Variants in GNA14 observed in about 807,000 individuals in gnomAD.
GNA14 encodes the protein G protein subunit alpha 14.
GNA14 carries 50 observed loss-of-function variants against 42.0 expected under a neutral mutation model. That is an observed-to-expected ratio of 1.19 (90% CI 0.95 to 1.51). The LOEUF is 1.51. Ranked by LOEUF, GNA14 falls within the 40% of genes most tolerant of loss-of-function variation. The pLI is 0.00. For missense variants in GNA14, 473 were observed against 446.2 expected, an observed-to-expected ratio of 1.06 and a Z score of -0.54; for synonymous variants, 173 against 163.1, an observed-to-expected ratio of 1.06 and a Z score of -0.46.
At chr9:77,452,610 T>A (rs1835927568) in intron 2 of GNA14, among the ~76,000 whole-genome samples, 1 of 59,272 alleles carries the variant, frequency 1.7e-5, no homozygotes, top group Non-Finnish European at 2.7e-5. Flanking sequence ...TGTATGTGTA[T>A]GTGTGTGTAT....
At chr9:77,539,167 A>G (rs1271022179) in intron 1 of GNA14, among the ~76,000 whole-genome samples, 1 of 152,176 alleles carries the variant, frequency 6.6e-6, no homozygotes, top group Non-Finnish European at 1.5e-5. Context: ...TATTATTTCA[A>G]GGTATGTATG....
Position 77,647,653 on chromosome 9 carries a change from G to A in GNA14, c.124+17C>T. ...AAAAACGCCCGGCTCACTGGAGTCG[G>A]AGACGCAGCCACTCACCCAGCAGCA... On this transcript the variant is annotated intron_variant, in intron 1 of 6. Coordinates refer to ENST00000341700, the MANE Select transcript of GNA14 (RefSeq NM_004297.4). 6.2e-7 allele frequency: 1 copy of A among 1,603,594 alleles called. No homozygotes were observed. Among genetic ancestry groups the A allele is most frequent in the Non-Finnish European group, 8.5e-7 (1 of 1,175,726 alleles).
intron 2 of GNA14, among the ~76,000 whole-genome samples, chr9:77,483,844 G>C (rs897925269): frequency 4.1e-4 from 63 of 152,056 alleles, no homozygotes; most frequent in African/African-American, 1.3e-3. Context: ...CATTCTTTGA[G>C]AAAAAGAGAA....
rs1554691641 is a variant in GNA14 at position 77,493,026 on chromosome 9, A to AAATATATATATATAT, written c.309+36042_309+36043insATATATATATATATT. ...AGGAAAAAAAAAAAAAAAAAAAAAA[A>AAATATATATATATAT]ATATATATATATATATATATTTGGG... On this transcript the variant is annotated intron_variant, in intron 2 of 6. Transcript: ENST00000341700. Among the ~76,000 whole-genome samples, 9 of 51,708 alleles carry AAATATATATATATAT rather than the reference A, an allele frequency of 1.7e-4. No individual in the cohort carries two copies. In the East Asian group the frequency reaches 3.4e-3, roughly 19 times the overall value. The allele number at this position is 51,708 out of a possible 152,430, so 33.9% of individuals were successfully genotyped here. A position where few individuals can be genotyped will look rare whatever the true frequency, so the allele number is the denominator to read the frequency against.
intron 2 of GNA14, among the ~76,000 whole-genome samples, chr9:77,478,679 TC>T (rs1836482556): frequency 6.6e-6 from 1 of 152,180 alleles, no homozygotes; most frequent in Non-Finnish European, 1.5e-5. Flanking sequence ...CCACATCCTC[TC>T]CAGCACCTGT....
chr9:77,542,883 C>A (rs573598439), intron 1 of GNA14, among the ~76,000 whole-genome samples: 6 of 152,288 alleles, frequency 3.9e-5, no homozygotes, highest in Middle Eastern at 3.4e-3. Context: ...TGGACGTGTC[C>A]TCAGGGCCTC....
intron 2 of GNA14, among the ~76,000 whole-genome samples, chr9:77,527,495 A>T (rs994798406): frequency 6.6e-6 from 1 of 152,008 alleles, no homozygotes; most frequent in Non-Finnish European, 1.5e-5. Flanking sequence ...ATTTTTTGCA[A>T]TTTTTTTTAA....
chr9:77,547,839 A>G (rs1161531119), intron 1 of GNA14, among the ~76,000 whole-genome samples: 1 of 152,230 alleles, frequency 6.6e-6, no homozygotes, highest in African/African-American at 2.4e-5. Context: ...ATAACACATC[A>G]TCATTTGTTG....
intron 2 of GNA14, among the ~76,000 whole-genome samples, chr9:77,455,195 G>A (rs1200401934): frequency 6.6e-6 from 1 of 152,188 alleles, no homozygotes; most frequent in Non-Finnish European, 1.5e-5. Context: ...TGTCTCATCA[G>A]CTGTCACCTG....
intron 1 of GNA14, among the ~76,000 whole-genome samples, chr9:77,546,794 GTCTC>G (rs553241930): frequency 1.6e-3 from 238 of 152,310 alleles, no homozygotes; most frequent in African/African-American, 5.6e-3. Flanking sequence ...TCATCAAGAT[GTCTC>G]TCTATTTGTG....
At chr9:77,501,510 A>T (rs1243462464) in intron 2 of GNA14, among the ~76,000 whole-genome samples, 2 of 152,112 alleles carry the variant, frequency 1.3e-5, no homozygotes, top group Non-Finnish European at 2.9e-5. Context: ...TCTTCACCGA[A>T]ATGCCTCTTC....
chr9:77,534,411 T>C (rs1260615701), intron 1 of GNA14, among the ~76,000 whole-genome samples: 1 of 152,196 alleles, frequency 6.6e-6, no homozygotes, highest in African/African-American at 2.4e-5. Context: ...ACATAAATCT[T>C]TCCCAAGTGA....
At chr9:77,622,804 G>C (rs1823949641) in intron 1 of GNA14, among the ~76,000 whole-genome samples, 1 of 149,592 alleles carries the variant, frequency 6.7e-6, no homozygotes, top group African/African-American at 2.5e-5. Flanking sequence ...TGAGGCAGGA[G>C]AATGGTGTGA....
chr9:77,430,917 G>T (rs780014537), intron 4 of GNA14, among the ~76,000 whole-genome samples: 1 of 151,858 alleles, frequency 6.6e-6, no homozygotes. Flanking sequence ...ATTTTCTAAG[G>T]ATAAATCTTG....
chr9:77,481,149 A>C (rs1836546590), intron 2 of GNA14, among the ~76,000 whole-genome samples: 1 of 151,616 alleles, frequency 6.6e-6, no homozygotes. Context: ...TTAGGGTGTC[A>C]ATTTTGGATC....
At chr9:77,461,929 CCT>C (rs1418681871) in intron 2 of GNA14, among the ~76,000 whole-genome samples, 1 of 152,010 alleles carries the variant, frequency 6.6e-6, no homozygotes, top group Non-Finnish European at 1.5e-5. Context: ...TGTATGGATT[CCT>C]CTCTTTTATA....
At chr9:77,539,447 G>C (rs539095987) in intron 1 of GNA14, among the ~76,000 whole-genome samples, 42 of 152,152 alleles carry the variant, frequency 2.8e-4, no homozygotes, top group Admixed American at 4.6e-4. Context: ...ATGTTCATCA[G>C]GGATATTCGC....
intron 2 of GNA14, among the ~76,000 whole-genome samples, chr9:77,514,862 C>A: frequency 6.6e-6 from 1 of 152,186 alleles, no homozygotes; most frequent in African/African-American, 2.4e-5. Context: ...ATCCGCCCAC[C>A]TCGGCCTCCC....
intron 2 of GNA14, among the ~76,000 whole-genome samples, chr9:77,476,704 A>G (rs1836430396): frequency 6.6e-6 from 1 of 152,250 alleles, no homozygotes; most frequent in African/African-American, 2.4e-5. Context: ...AATTGGAACT[A>G]TTGTGGAGGA....
Sources: gnomAD v4.1 joint callset for allele counts (sites outside exome capture counted in the v4.1 genomes callset) on GRCh38, gnomAD v4.1.1 for gene constraint, MANE v1.5 for transcripts, NCBI Gene and HGNC (gene_info 2026-07-23, HGNC 2026-07-21) for gene names.